Variants in FAM168A observed in about 807,000 individuals in gnomAD.
FAM168A encodes protein FAM168A.
FAM168A carries 3 observed loss-of-function variants against 28.5 expected under a neutral mutation model. The observed-to-expected ratio is 0.11, with a 90% CI of 0.05 to 0.27. The LOEUF is 0.27. Ranked by LOEUF, FAM168A falls within the 10% of genes least tolerant of loss-of-function variation. The pLI is 1.00. For synonymous variants in FAM168A, 122 were observed against 124.2 expected, an observed-to-expected ratio of 0.98 and a Z score of 0.12; for missense variants, 222 against 311.5, an observed-to-expected ratio of 0.71 and a Z score of 2.16.
chr11:73,472,666 G>A (rs1212691956), intron 1 of FAM168A, among the ~76,000 whole-genome samples: 1 of 152,060 alleles, frequency 6.6e-6, no homozygotes, highest in Non-Finnish European at 1.5e-5. Context: ...GATGAAAGAT[G>A]ATGGTGGTAG....
At chr11:73,432,067 G>GT (rs1161954739) in intron 2 of FAM168A, among the ~76,000 whole-genome samples, 1 of 152,164 alleles carries the variant, frequency 6.6e-6, no homozygotes. Context: ...TTAGCATAAT[G>GT]TGTTTAAGGT....
chr11:73,540,166 T>G (rs1943636540), intron 1 of FAM168A, among the ~76,000 whole-genome samples: 2 of 152,172 alleles, frequency 1.3e-5, no homozygotes, highest in Non-Finnish European at 2.9e-5. Context: ...AAATAAGAAC[T>G]TTAAGATCTA....
chr11:73,504,852 CAG>C (rs1243467907), intron 1 of FAM168A, among the ~76,000 whole-genome samples: 1 of 152,142 alleles, frequency 6.6e-6, no homozygotes, highest in African/African-American at 2.4e-5. Context: ...ATTTCCTTTG[CAG>C]AGACATGGAT....
chr11:73,526,868 C>CAAAAAAAAAA (rs61073226), intron 1 of FAM168A, among the ~76,000 whole-genome samples: 1 of 51,902 alleles, frequency 1.9e-5, no homozygotes, highest in African/African-American at 6.4e-5. Flanking sequence ...GACTCCATCT[C>CAAAAAAAAAA]AAAAAAAAAA....
intron 2 of FAM168A, among the ~76,000 whole-genome samples, chr11:73,466,308 A>G (rs921649841): frequency 2.0e-5 from 3 of 152,224 alleles, no homozygotes; most frequent in African/African-American, 7.2e-5. Flanking sequence ...GAAGAGAGAA[A>G]GCAGCACATA....
At chr11:73,573,799 T>A (rs965182445) in intron 1 of FAM168A, among the ~76,000 whole-genome samples, 1 of 151,856 alleles carries the variant, frequency 6.6e-6, no homozygotes, top group Admixed American at 6.6e-5. Context: ...CTACAAAAAA[T>A]TCAAGAATGA....
intron 1 of FAM168A, among the ~76,000 whole-genome samples, chr11:73,559,355 C>T (rs889464830): frequency 5.3e-5 from 8 of 151,902 alleles, no homozygotes; most frequent in East Asian, 1.9e-4. Context: ...TGCAGTGAGC[C>T]GAGATCGCGC....
chr11:73,577,137 A>T (rs1944187136), intron 1 of FAM168A, among the ~76,000 whole-genome samples: 1 of 152,108 alleles, frequency 6.6e-6, no homozygotes, highest in African/African-American at 2.4e-5. Context: ...CAAATCTACC[A>T]ATTTTGGAAA....
chr11:73,524,772 T>A (rs1177632109), intron 1 of FAM168A, among the ~76,000 whole-genome samples: 2 of 152,130 alleles, frequency 1.3e-5, no homozygotes, highest in Non-Finnish European at 2.9e-5. Flanking sequence ...TAATTTTTTG[T>A]ATTTTTAGTG....
At chr11:73,520,372 A>G (rs1455335443) in intron 1 of FAM168A, among the ~76,000 whole-genome samples, 1 of 152,132 alleles carries the variant, frequency 6.6e-6, no homozygotes, top group East Asian at 1.9e-4. Flanking sequence ...TTTTAAAGCT[A>G]GCTTTATATA....
chr11:73,589,601 T>C (rs190554585), intron 1 of FAM168A, among the ~76,000 whole-genome samples: 1 of 152,182 alleles, frequency 6.6e-6, no homozygotes, highest in African/African-American at 2.4e-5. Flanking sequence ...ACTGGTGTAG[T>C]ATCAAAGAGG....
At chr11:73,576,602 T>C (rs1001774502) in intron 1 of FAM168A, among the ~76,000 whole-genome samples, 2 of 152,194 alleles carry the variant, frequency 1.3e-5, no homozygotes, top group Admixed American at 6.5e-5. Flanking sequence ...GTACAGGCTC[T>C]GGAAATGAAG....
chr11:73,498,371 A>G (rs1367924590), intron 1 of FAM168A, among the ~76,000 whole-genome samples: 2 of 152,176 alleles, frequency 1.3e-5, no homozygotes, highest in Non-Finnish European at 2.9e-5. Flanking sequence ...CTACCCAGCC[A>G]GGGAGAGTGT....
At chr11:73,413,783 G>A (rs1866655255) in intron 4 of FAM168A, among the ~76,000 whole-genome samples, 1 of 152,198 alleles carries the variant, frequency 6.6e-6, no homozygotes, top group African/African-American at 2.4e-5. Context: ...ACAATAGGAT[G>A]GGCTGGATGT....
At chr11:73,527,495 A>T (rs1943462769) in intron 1 of FAM168A, among the ~76,000 whole-genome samples, 2 of 152,348 alleles carry the variant, frequency 1.3e-5, no homozygotes, top group South Asian at 4.1e-4. Context: ...TTTCCATTTA[A>T]ATTAGCCAAT....
At chr11:73,485,636 ATC>A (rs1565266347) in intron 1 of FAM168A, among the ~76,000 whole-genome samples, 1 of 152,124 alleles carries the variant, frequency 6.6e-6, no homozygotes, top group African/African-American at 2.4e-5. Context: ...TTCACTGATA[ATC>A]TGTTTGTTTT....
At chr11:73,438,217 G>C (rs1048147525) in intron 2 of FAM168A, among the ~76,000 whole-genome samples, 1 of 152,034 alleles carries the variant, frequency 6.6e-6, no homozygotes, top group Non-Finnish European at 1.5e-5. Flanking sequence ...CAGTCTAATG[G>C]GAAAATAATA....
rs1307590264 is a variant in FAM168A, at chr11:73,439,418, A to G, written c.71-8648T>C. The stretch of plus-strand genomic sequence containing the variant: ...ACCTCTGGGTCATTCACCTAGGCTG[A>G]GCCCTAGCACAGAAAGGCTGCTAAA... On this transcript the variant is annotated intron_variant, in intron 2 of 7. Coordinates refer to ENST00000356467, the MANE Select transcript of FAM168A (RefSeq NM_015159.3). Among the ~76,000 whole-genome samples, 5 of 152,202 alleles carry G rather than the reference A, an allele frequency of 3.3e-5. 1 individual carries two copies.
rs186332170 is a variant in FAM168A at position 73,432,986 on chromosome 11, A to T, written c.71-2216T>A. 1.6e-3 allele frequency among the ~76,000 whole-genome samples: 240 copies of T among 151,196 alleles called. 1 individual carries two copies. The highest frequency in any genetic ancestry group is 5.5e-3 in the African/African-American group (228 of 41,086). ...GAGTATAATGGCAGGATCATAGCTC[A>T]CTGTAGCTTCCAACTCATGGGCTCA... On this transcript the variant is annotated intron_variant, in intron 2 of 7. Transcript: ENST00000356467.
Sources: gnomAD v4.1 joint callset for allele counts (sites outside exome capture counted in the v4.1 genomes callset) on GRCh38, gnomAD v4.1.1 for gene constraint, MANE v1.5 for transcripts, NCBI Gene and HGNC (gene_info 2026-07-23, HGNC 2026-07-21) for gene names.